Variants in SLC9D1 observed in about 807,000 individuals in gnomAD.
SLC9D1 encodes putative LAG1-interacting protein.
At chr13:113,499,877 C>T in the SLC9D1 span, 3 of 782,920 alleles carry the variant, frequency 3.8e-6, no homozygotes, top group Non-Finnish European at 5.5e-6. Context: ...GTATTTTTAA[C>T]ATTCTTCTGT....
chr13:113,548,519 T>G, the SLC9D1 span: 26 of 1,535,192 alleles, frequency 1.7e-5, no homozygotes, highest in East Asian at 5.9e-4. Flanking sequence ...TTGAGTCGGG[T>G]GTGGCGAAGG....
chr13:113,526,959 C>T, the SLC9D1 span, among the ~76,000 whole-genome samples: 1 of 152,198 alleles, frequency 6.6e-6, no homozygotes, highest in Non-Finnish European at 1.5e-5. Flanking sequence ...GTATTAAGTG[C>T]AGTCACGTGC....
At chr13:113,539,332 T>G in the SLC9D1 span, 1 of 1,607,548 alleles carries the variant, frequency 6.2e-7, no homozygotes, top group Non-Finnish European at 8.5e-7. The surrounding 1 kb of genome is among the most constrained non-coding windows in gnomAD (Gnocchi z 4.8). Context: ...GGGTCTCATG[T>G]AAAGCTGCGT....
the SLC9D1 span, among the ~76,000 whole-genome samples, chr13:113,513,707 A>C: frequency 6.6e-5 from 10 of 152,346 alleles, no homozygotes; most frequent in African/African-American, 2.4e-4. Context: ...ATGCTCACAG[A>C]GTTCATAAAA....
the SLC9D1 span, chr13:113,510,278 T>C: frequency 6.2e-7 from 1 of 1,614,248 alleles, no homozygotes; most frequent in Non-Finnish European, 8.5e-7. Context: ...TACATGACAC[T>C]GTTAATGATT....
chr13:113,503,789 G>T, the SLC9D1 span: 516 of 555,852 alleles, frequency 9.3e-4, no homozygotes, highest in Non-Finnish European at 1.4e-3. Context: ...ATTCAGTGAA[G>T]AATTGGAATT....
chr13:113,534,042 C>T, the SLC9D1 span: 8 of 1,581,458 alleles, frequency 5.1e-6, no homozygotes, highest in African/African-American at 2.8e-5. Flanking sequence ...TTTTCTTTCC[C>T]AGCATTGTCG....
the SLC9D1 span, chr13:113,534,951 C>CA: frequency 1.3e-5 from 2 of 152,184 alleles, no homozygotes; most frequent in Non-Finnish European, 2.9e-5. Flanking sequence ...GGTGTGGTGG[C>CA]GGGCGCCTGT....
chr13:113,503,345 T>TTG, the SLC9D1 span: 45,528 of 473,178 alleles, frequency 0.096, 945 homozygotes, highest in Non-Finnish European at 0.12. Flanking sequence ...CACTGTGTGA[T>TTG]TGTGTGTGTG....
At chr13:113,498,365 T>C in the SLC9D1 span, 2 of 1,558,740 alleles carry the variant, frequency 1.3e-6, no homozygotes, top group Non-Finnish European at 1.7e-6. Context: ...ATATGGAACT[T>C]CTGGCAGCAG....
At chr13:113,549,037 C>T in the SLC9D1 span, among the ~76,000 whole-genome samples, 83 of 152,286 alleles carry the variant, frequency 5.5e-4, no homozygotes, top group South Asian at 1.0e-3. Flanking sequence ...TACTGTGGCC[C>T]GGGGTTGGCC....
chr13:113,531,506 G>C, the SLC9D1 span, among the ~76,000 whole-genome samples: 4 of 151,230 alleles, frequency 2.6e-5, no homozygotes, highest in Admixed American at 2.0e-4. Context: ...TGGACCTGCA[G>C]GTGACACGGC....
At chr13:113,515,789 G>A in the SLC9D1 span, among the ~76,000 whole-genome samples, 3 of 151,334 alleles carry the variant, frequency 2.0e-5, no homozygotes, top group Non-Finnish European at 4.4e-5. Flanking sequence ...CACTCAAGAG[G>A]CTGAGGCAGA....
the SLC9D1 span, among the ~76,000 whole-genome samples, chr13:113,516,407 A>C: frequency 6.6e-6 from 1 of 151,814 alleles, no homozygotes; most frequent in Non-Finnish European, 1.5e-5. Context: ...TCTACTGAAA[A>C]TATAAAAATT....
the SLC9D1 span, among the ~76,000 whole-genome samples, chr13:113,524,625 T>G: frequency 6.6e-6 from 1 of 152,222 alleles, no homozygotes; most frequent in Admixed American, 6.5e-5. Flanking sequence ...TGTGAGCCAC[T>G]GTGCCTGGCC....
the SLC9D1 span, among the ~76,000 whole-genome samples, chr13:113,509,972 CAG>C: frequency 6.6e-6 from 1 of 152,104 alleles, no homozygotes; most frequent in Non-Finnish European, 1.5e-5. Flanking sequence ...ATCTTGAGCT[CAG>C]GGTGTTCTGA....
At chr13:113,502,030 C>G in the SLC9D1 span, 2 of 649,218 alleles carry the variant, frequency 3.1e-6, no homozygotes, top group South Asian at 2.0e-5. Flanking sequence ...CACGGGAAGT[C>G]TCTGAACCCT....
At chr13:113,513,656 G>A in the SLC9D1 span, among the ~76,000 whole-genome samples, 28,198 of 152,082 alleles carry the variant, frequency 0.19, 3,454 homozygotes, top group African/African-American at 0.35. Flanking sequence ...TCAAAAGAGA[G>A]CTGTGACCTT....
At chr13:113,548,174 T>C in the SLC9D1 span, 1 of 1,022,400 alleles carries the variant, frequency 9.8e-7, no homozygotes, top group Non-Finnish European at 1.4e-6. Context: ...TCTGTGCCTT[T>C]CCCTACTTGA....
Sources: allele counts gnomAD v4.1 joint callset (sites outside exome capture counted in the v4.1 genomes callset), GRCh38; gene constraint gnomAD v4.1.1; non-coding constraint Gnocchi (gnomAD v3.1); transcripts MANE v1.5; gene names NCBI Gene and HGNC (gene_info 2026-07-23, HGNC 2026-07-21).